Variants in ARSF observed in about 807,000 individuals in gnomAD.
ARSF encodes the protein arylsulfatase F.
Under a neutral mutation model 35.4 loss-of-function variants are expected in ARSF, and 33 were observed. The ratio of observed to expected loss-of-function variants is 0.93; its 90% confidence interval spans 0.71 to 1.25. ARSF has a LOEUF of 1.25. ARSF is among the 50% of genes most tolerant of loss of function. The pLI, the probability that ARSF is intolerant of heterozygous loss-of-function variation, is 0.00. For missense variants in ARSF, 501 were observed against 480.2 expected (o/e 1.04, Z -0.40); for synonymous variants, 222 against 193.1 (o/e 1.15, Z -1.24).
chrX:3,041,853 T>C (rs1314370989), intron 1 of ARSF, among the ~76,000 whole-genome samples, 190 bp downstream of exon 1: 2 of 112,506 alleles, frequency 1.8e-5, no homozygotes, highest in Non-Finnish European at 3.7e-5. Context: ...AATTAAATAA[T>C]AAGCCAAAAC....
chrX:3,110,109 A>G lies in ARSF; in HGVS notation c.1266-19A>G, dbSNP rs777517208. The G allele has an allele frequency of 4.2e-5, 48 of 1,146,681 alleles. 2 individuals are homozygous for G. The Admixed American group carries it at 1.2e-3, about 29-fold the overall frequency. 94.5% of individuals were successfully genotyped at this position (1,146,681 alleles called of 1,213,427 possible). On this transcript the variant is annotated intron_variant, in intron 9 of 10. Coordinates refer to ENST00000381127, the MANE Select transcript of ARSF (RefSeq NM_001201539.2). ...CCTTCTCCTCATTTTCCTTATCTGC[A>G]CTGTCTGTGTCTCTGCAGGGTCATT...
intron 6 of ARSF, among the ~76,000 whole-genome samples, chrX:3,085,294 CTATAT>C: frequency 9.4e-6 from 1 of 106,267 alleles, no homozygotes; most frequent in South Asian, 4.0e-4. Context: ...ATATACTATA[CTATAT>C]ATGTATATAT....
rs577296158 is a variant in ARSF, at chrX:3,080,401, G to C, written c.284-490G>C. ...AGGCAGGAGAATCACTTGAACCTGG[G>C]AGGTGGAGGTTGCAGTGAGCTGAGA... On this transcript the variant is annotated intron_variant, in intron 4 of 10. Transcript: ENST00000381127. Among the ~76,000 whole-genome samples, 20 of 109,194 alleles carry C rather than the reference G, an allele frequency of 1.8e-4. No homozygotes were observed. The South Asian group carries it at 7.9e-3, about 43-fold the overall frequency. 94.8% of individuals were successfully genotyped at this position (109,194 alleles called of 115,157 possible). A position where few individuals can be genotyped will look rare whatever the true frequency, so the allele number is the denominator to read the frequency against.
At chrX:3,042,631 G>A (rs1467523213) in intron 1 of ARSF, among the ~76,000 whole-genome samples, 1 of 109,234 alleles carries the variant, frequency 9.2e-6, no homozygotes, top group East Asian at 2.9e-4. Context: ...CTTGTAGCTG[G>A]GATTACAGGT....
rs779741129 is a variant in ARSF at position 3,101,240 on chromosome X, G to A, written c.1102+19G>A. 17 of 1,202,159 alleles carry A rather than the reference G, an allele frequency of 1.4e-5. No homozygotes were observed. Among genetic ancestry groups the A allele is most frequent in the Non-Finnish European group, 1.9e-5 (17 of 889,890 alleles). On this transcript the variant is annotated intron_variant, in intron 8 of 10. Transcript: ENST00000381127. ...TACAAAGGTGAGGAGAGGAACTCATGCAAGTGATCTGGTGGTGAATAAGCT... is the reference window on the plus strand; with the variant it reads ...TACAAAGGTGAGGAGAGGAACTCATACAAGTGATCTGGTGGTGAATAAGCT...
At chrX:3,109,059 C>T (rs1267012127) in intron 9 of ARSF, among the ~76,000 whole-genome samples, 1 of 111,405 alleles carries the variant, frequency 9.0e-6, no homozygotes, top group Non-Finnish European at 1.9e-5. Context: ...GTGGCTCACG[C>T]TTATAATCCC....
intron 1 of ARSF, among the ~76,000 whole-genome samples, chrX:3,055,535 T>C (rs1330465411): frequency 9.1e-6 from 1 of 109,845 alleles, no homozygotes; most frequent in Non-Finnish European, 1.9e-5. Flanking sequence ...CAGAAATACG[T>C]ATATATGGTG....
rs376052987 is a variant in ARSF, at chrX:3,065,014, A to G, written c.-28-3059A>G. 2.7e-5 allele frequency among the ~76,000 whole-genome samples: 3 copies of G among 111,297 alleles called. No homozygotes were observed. The East Asian group carries it at 8.4e-4, about 31-fold the overall frequency. Reference sequence around the variant, plus strand: ...AAGACATATGCACACTATTCACAATAGCAAAGACTTGGAACCAACCCAAAT... The same window carrying G: ...AAGACATATGCACACTATTCACAATGGCAAAGACTTGGAACCAACCCAAAT... On this transcript the variant is annotated intron_variant, in intron 1 of 10. Coordinates refer to ENST00000381127, the MANE Select transcript of ARSF (RefSeq NM_001201539.2).
chrX:3,075,594 A>C (rs1314659764), intron 3 of ARSF, among the ~76,000 whole-genome samples: 2 of 88,261 alleles, frequency 2.3e-5, no homozygotes, highest in Admixed American at 1.3e-4. Flanking sequence ...CTCTTTGTCT[A>C]TCTCATTCTA....
At chrX:3,109,466 C>T (rs1326307454) in intron 9 of ARSF, among the ~76,000 whole-genome samples, 2 of 111,469 alleles carry the variant, frequency 1.8e-5, no homozygotes, top group African/African-American at 6.5e-5. Flanking sequence ...AGTTTAGATT[C>T]AGGGTCCCAT....
intron 5 of ARSF, among the ~76,000 whole-genome samples, chrX:3,081,721 C>T (rs760343991): frequency 2.7e-5 from 3 of 111,039 alleles, no homozygotes; most frequent in African/African-American, 9.8e-5. Flanking sequence ...TCTGCCTGCC[C>T]GCATAGTCTC....
At chrX:3,070,954 TG>T (rs2090099157) in intron 2 of ARSF, among the ~76,000 whole-genome samples, 1 of 95,105 alleles carries the variant, frequency 1.1e-5, no homozygotes, top group Non-Finnish European at 2.1e-5. Context: ...TGTGTGTGTG[TG>T]TGTGTGTGTG....
chrX:3,059,476 G>A (rs996847426), intron 1 of ARSF, among the ~76,000 whole-genome samples: 27 of 112,371 alleles, frequency 2.4e-4, no homozygotes, highest in African/African-American at 8.7e-4. Flanking sequence ...AGGGCAAGCC[G>A]AAACAGGGCA....
Position 3,084,428 on chromosome X carries a change from A to T in ARSF, c.592A>T (p.Ile198Phe), listed in dbSNP as rs201425799. 8.2e-5 allele frequency: 99 copies of T among 1,209,565 alleles called. No homozygotes were observed. In the East Asian group the frequency reaches 2.8e-3, roughly 35 times the overall value. ...QLWLCVQLVA[I>F]AILTLTFGKL... ...CTGGCTCTGTGTGCAGCTAGTTGCC[A>T]TTGCCATCCTCACCCTAACCTTTGG... is the stretch of plus-strand genomic sequence containing the variant. The change falls in exon 6 of 11, where the codon ATT (isoleucine) becomes TTT (phenylalanine). Residue 198 changes from isoleucine to phenylalanine, a missense_variant. Transcript: ENST00000381127.
At chrX:3,062,010 C>T (rs1603464161) in intron 1 of ARSF, among the ~76,000 whole-genome samples, 3 of 111,763 alleles carry the variant, frequency 2.7e-5, no homozygotes, top group African/African-American at 9.8e-5. Context: ...TTCTTCTCAG[C>T]ACCACATCAC....
chrX:3,090,175 T>G (rs1265525712), intron 7 of ARSF, among the ~76,000 whole-genome samples: 1 of 112,124 alleles, frequency 8.9e-6, no homozygotes, highest in African/African-American at 3.2e-5. Context: ...TTTTTAAAAA[T>G]AAATTTTATT....
At chrX:3,090,972 A>G (rs1357967638) in intron 7 of ARSF, among the ~76,000 whole-genome samples, 1 of 109,974 alleles carries the variant, frequency 9.1e-6, no homozygotes, top group African/African-American at 3.3e-5. Context: ...GTGCAATGAC[A>G]TGATCTCAGC....
At chrX:3,072,977 C>CAT (rs1244176067) in intron 3 of ARSF, among the ~76,000 whole-genome samples, 3 of 99,438 alleles carry the variant, frequency 3.0e-5, no homozygotes, top group African/African-American at 1.1e-4. Flanking sequence ...TATACATGAA[C>CAT]ATATACATAT....
At chrX:3,081,121 T>G in intron 5 of ARSF, 108 bp downstream of exon 5, 3 of 1,036,018 alleles carry the variant, frequency 2.9e-6, no homozygotes, top group Non-Finnish European at 3.9e-6. Flanking sequence ...CAATGTCTTA[T>G]GTAAAGGCGC....
Sources: gnomAD v4.1 joint callset for allele counts (sites outside exome capture counted in the v4.1 genomes callset) on GRCh38, gnomAD v4.1.1 for gene constraint, MANE v1.5 for transcripts, NCBI Gene and HGNC (gene_info 2026-07-23, HGNC 2026-07-21) for gene names.